Variants in EFCAB8 observed in about 807,000 individuals in gnomAD.
EFCAB8 encodes the protein EF-hand calcium-binding domain-containing protein 8.
A neutral mutation model predicts 116.3 loss-of-function variants in EFCAB8; 100 were observed. That is an observed-to-expected ratio of 0.86 (90% CI 0.73 to 1.02). EFCAB8 has a LOEUF of 1.02. Ranked by LOEUF, EFCAB8 falls within the 50% of genes least tolerant of loss-of-function variation. The probability of loss-of-function intolerance (pLI) is 0.00; values close to 1 mark genes in which losing one functional copy is unlikely to be tolerated. For synonymous variants in EFCAB8, 558 were observed against 567.9 expected (o/e 0.98, Z 0.25); for missense variants, 1,320 against 1,416.9 (o/e 0.93, Z 1.10).
intron 13 of EFCAB8, among the ~76,000 whole-genome samples, chr20:32,907,984 C>G (rs1986755905): frequency 6.6e-6 from 1 of 152,154 alleles, no homozygotes; most frequent in South Asian, 2.1e-4. Context: ...CCTGGCTTGG[C>G]TTTTGTACCC....
intron 17 of EFCAB8, 122 bp from the exon 18 acceptor site, chr20:32,917,179 G>A (rs776428166): frequency 1.7e-5 from 13 of 749,078 alleles, no homozygotes; most frequent in Admixed American, 2.7e-5. Flanking sequence ...GCCCAGCTCC[G>A]ACACCTGAGA....
At chr20:32,867,850 T>C (rs1014229050) in intron 3 of EFCAB8, 103 bp downstream of exon 3, 53 of 1,353,302 alleles carry the variant, frequency 3.9e-5, no homozygotes, top group Non-Finnish European at 9.9e-6. Context: ...GCATTTTTTT[T>C]TTGTTTTTGA....
At chr20:32,914,644 G>A (rs556036579) in intron 17 of EFCAB8, among the ~76,000 whole-genome samples, 69 of 152,308 alleles carry the variant, frequency 4.5e-4, no homozygotes, top group South Asian at 2.1e-3. Context: ...GCAGGAGAGA[G>A]AGTGCAAGGG....
Position 32,961,718 on chromosome 20 carries a change from C to G in EFCAB8, c.*109C>G. 1.6e-6 allele frequency: 1 copy of G among 635,382 alleles called. No homozygotes were observed. The highest frequency in any genetic ancestry group is 2.3e-6 in the Non-Finnish European group (1 of 436,342). 39.4% of individuals were successfully genotyped at this position (635,382 alleles called of 1,614,324 possible). On this transcript the variant is annotated 3_prime_UTR_variant, in exon 27 of 27. Coordinates refer to ENST00000400522, the MANE Select transcript of EFCAB8 (RefSeq NM_001143967.2). ...GACCCAGAGGATGTGGCTCTTCCCC[C>G]GGCCACCCCACTGGGCCTCTCTGGG... is the stretch of plus-strand genomic sequence containing the variant.
chr20:32,878,234 C>G (rs1330726398), intron 4 of EFCAB8, among the ~76,000 whole-genome samples: 1 of 152,028 alleles, frequency 6.6e-6, no homozygotes, highest in African/African-American at 2.4e-5. Context: ...CCATTGCACT[C>G]CAGCCTGGGT....
intron 9 of EFCAB8, among the ~76,000 whole-genome samples, chr20:32,895,083 A>AC (rs1254938091): frequency 1.3e-5 from 2 of 152,184 alleles, no homozygotes; most frequent in African/African-American, 4.8e-5. Flanking sequence ...CTGAGCCTAG[A>AC]CTGCCCCAGC....
chr20:32,886,448 T>C (rs1363668676), intron 6 of EFCAB8, among the ~76,000 whole-genome samples: 1 of 152,116 alleles, frequency 6.6e-6, no homozygotes, highest in Non-Finnish European at 1.5e-5. Flanking sequence ...GAAAGGTTGA[T>C]TGAGAACACA....
At position 32,920,456 on chromosome 20, in the gene EFCAB8, G is replaced by C. The variant is rs1238817649; in HGVS notation, c.2412+241G>C. ...CTGATAAAGGCATATCCGAGACTGA[G>C]AAGAAAAAGAGGTTTAACTGGACTT... On this transcript the variant is annotated intron_variant, in intron 20 of 26. Coordinates refer to ENST00000400522, the MANE Select transcript of EFCAB8 (RefSeq NM_001143967.2). 5.3e-5 allele frequency among the ~76,000 whole-genome samples: 8 copies of C among 152,198 alleles called. 1 individual carries two copies. The highest frequency in any genetic ancestry group is 5.2e-4 in the Admixed American group (8 of 15,284).
chr20:32,944,157 C>A (rs1296095305), intron 23 of EFCAB8, among the ~76,000 whole-genome samples: 1 of 152,060 alleles, frequency 6.6e-6, no homozygotes, highest in Non-Finnish European at 1.5e-5. Context: ...TAAATACATA[C>A]CCATATAGCC....
Position 32,893,202 on chromosome 20 carries a change from T to C in EFCAB8, c.787T>C (p.Tyr263His). The change falls in exon 9 of 27, where the codon TAT (tyrosine) becomes CAT (histidine). Residue 263 changes from tyrosine (Y) to histidine (H), a missense_variant. Coordinates refer to ENST00000400522, the MANE Select transcript of EFCAB8 (RefSeq NM_001143967.2). ...TGACTATCACAGAGGTGTGTTCTGC[T>C]ATGGAGACGCCAAAGGCAACGTCAT... is the stretch of plus-strand genomic sequence containing the variant. ...WSDYHRGVFCYGDAKGNVIVF... is the reference protein window; with the variant it reads ...WSDYHRGVFCHGDAKGNVIVF... 1.3e-6 allele frequency: 2 copies of C among 1,552,022 alleles called. No homozygotes were observed. Among genetic ancestry groups the C allele is most frequent in the Non-Finnish European group, 8.7e-7 (1 of 1,147,052 alleles).
chr20:32,885,389 C>T lies in EFCAB8; in HGVS notation c.432-116C>T, dbSNP rs543800065. The T allele has an allele frequency of 7.4e-5, 103 of 1,391,350 alleles. No individual in the cohort carries two copies. The African/African-American group carries it at 1.3e-3, about 17-fold the overall frequency. The allele number at this position is 1,391,350 out of a possible 1,614,324, so 86.2% of individuals were successfully genotyped here. A position where few individuals can be genotyped will look rare whatever the true frequency, so the allele number is the denominator to read the frequency against. ...TGGCGTGCGCATGTGCGTGCGTGTG[C>T]GTGACGCTCCGCCGGCTTTTGTCCC... On this transcript the variant is annotated intron_variant, in intron 5 of 26. Coordinates refer to ENST00000400522, the MANE Select transcript of EFCAB8 (RefSeq NM_001143967.2).
At chr20:32,931,795 A>G in intron 22 of EFCAB8, among the ~76,000 whole-genome samples, 1 of 152,192 alleles carries the variant, frequency 6.6e-6, no homozygotes, top group Non-Finnish European at 1.5e-5. Flanking sequence ...ATAATGCCAC[A>G]TTAGAAACAA....
At position 32,959,762 on chromosome 20, in the gene EFCAB8, A is replaced by G. The variant is rs1024063949; in HGVS notation, c.3090-16A>G. 1.4e-6 allele frequency: 2 copies of G among 1,453,322 alleles called. No homozygotes were observed. The highest frequency in any genetic ancestry group is 1.8e-6 in the Non-Finnish European group (2 of 1,095,540). 90.0% of individuals were successfully genotyped at this position (1,453,322 alleles called of 1,614,324 possible). The stretch of plus-strand genomic sequence containing the variant: ...GCAGTGGGGGGACATCTTGTGAAGG[A>G]AAGCCCCCACACTAGGGAGCAGCGG... On this transcript the variant is annotated splice_polypyrimidine_tract_variant and intron_variant, in intron 24 of 26. Coordinates refer to ENST00000400522, the MANE Select transcript of EFCAB8 (RefSeq NM_001143967.2).
chr20:32,955,456 C>G (rs759264347), intron 23 of EFCAB8, among the ~76,000 whole-genome samples: 2 of 152,290 alleles, frequency 1.3e-5, no homozygotes, highest in Non-Finnish European at 2.9e-5. Flanking sequence ...AGGAGGATCG[C>G]TAGAGCCCAG....
At chr20:32,934,313 A>G (rs947771689) in intron 22 of EFCAB8, among the ~76,000 whole-genome samples, 12 of 152,104 alleles carry the variant, frequency 7.9e-5, no homozygotes, top group African/African-American at 1.9e-4. Context: ...ATAGTATTCC[A>G]TTATGTATAT....
chr20:32,958,831 C>T (rs1044816616), intron 24 of EFCAB8, among the ~76,000 whole-genome samples: 1 of 152,246 alleles, frequency 6.6e-6, no homozygotes, highest in Non-Finnish European at 1.5e-5. Context: ...CCCTGTCCCC[C>T]AGCCAGGCCC....
At chr20:32,931,834 A>G (rs1436334455) in intron 22 of EFCAB8, among the ~76,000 whole-genome samples, 1 of 152,260 alleles carries the variant, frequency 6.6e-6, no homozygotes, top group East Asian at 1.9e-4. Flanking sequence ...TAGACTGGAA[A>G]ATAAATTACA....
At chr20:32,910,309 G>A (rs1480622366) in intron 15 of EFCAB8, among the ~76,000 whole-genome samples, 1 of 152,190 alleles carries the variant, frequency 6.6e-6, no homozygotes, top group African/African-American at 2.4e-5. Flanking sequence ...TCTCTTTGCA[G>A]GGAAGCCATA....
chr20:32,869,736 G>C (rs1312739102), intron 3 of EFCAB8, among the ~76,000 whole-genome samples: 1 of 143,154 alleles, frequency 7.0e-6, no homozygotes, highest in Non-Finnish European at 1.5e-5. Context: ...AGATGACTGT[G>C]TATGTTTTCA....
Sources: gnomAD v4.1 joint callset for allele counts (sites outside exome capture counted in the v4.1 genomes callset) on GRCh38, gnomAD v4.1.1 for gene constraint, MANE v1.5 for transcripts, NCBI Gene and HGNC (gene_info 2026-07-23, HGNC 2026-07-21) for gene names.